MINDY2: variants seen among roughly 807,000 people sequenced by gnomAD.
The protein encoded by MINDY2 is MINDY lysine 48 deubiquitinase 2.
Under a neutral mutation model 68.2 loss-of-function variants are expected in MINDY2, and 52 were observed. That is an observed-to-expected ratio of 0.76 (90% CI 0.61 to 0.96). The LOEUF is 0.96. MINDY2 is among the 40% of genes least tolerant of loss of function. The probability of loss-of-function intolerance (pLI) is 0.00; values close to 1 mark genes in which losing one functional copy is unlikely to be tolerated. For synonymous variants in MINDY2, 372 were observed against 303.0 expected (o/e 1.23, Z -2.36); for missense variants, 881 against 773.4 (o/e 1.14, Z -1.65).
chr15:58,785,300 T>C (rs1901420387), intron 1 of MINDY2, among the ~76,000 whole-genome samples: 1 of 152,120 alleles, frequency 6.6e-6, no homozygotes, highest in Non-Finnish European at 1.5e-5. Flanking sequence ...ATTCAGGAAA[T>C]GAATATACTA....
chr15:58,801,600 T>G lies in MINDY2; in HGVS notation c.899-713T>G, dbSNP rs1386433899. 2.6e-5 allele frequency among the ~76,000 whole-genome samples: 4 copies of G among 152,174 alleles called. No individual in the cohort carries two copies. In the East Asian group the frequency reaches 7.7e-4, roughly 29 times the overall value. On this transcript the variant is annotated intron_variant, in intron 2 of 8. Coordinates refer to ENST00000559228, the MANE Select transcript of MINDY2 (RefSeq NM_001040450.3). ...CATATATTTAAAAGGTGATACCAAA[T>G]AAAAACTCGTATATAAAAATACCAT...
rs202149402 is a variant in MINDY2, at chr15:58,821,761, A to G, written c.1167A>G (p.Gln389=). The G allele has an allele frequency of 3.1e-6, 5 of 1,591,350 alleles. No individual in the cohort carries two copies. Among genetic ancestry groups the G allele is most frequent in the African/African-American group, 2.7e-5 (2 of 73,538 alleles). ...CTGTTGGTAACTGCAGCTACAACCA[A>G]CTAGTGGAGAAGATCATCTCTTGTA... is the stretch of plus-strand genomic sequence containing the variant. ...VKAVGNCSYN[Q]LVEKIISCKQ... Residue 389 remains glutamine, a synonymous_variant, in exon 5 of 9, where the codon CAA becomes CAG. Coordinates refer to ENST00000559228, the MANE Select transcript of MINDY2 (RefSeq NM_001040450.3).
At chr15:58,779,872 T>G (rs1169849940) in intron 1 of MINDY2, among the ~76,000 whole-genome samples, 1 of 152,116 alleles carries the variant, frequency 6.6e-6, no homozygotes, top group Non-Finnish European at 1.5e-5. Context: ...GAGTAGTCTT[T>G]TAGTTAAAAA....
chr15:58,825,101 T>A (rs2031308308), intron 5 of MINDY2, among the ~76,000 whole-genome samples: 1 of 152,244 alleles, frequency 6.6e-6, no homozygotes, highest in Admixed American at 6.5e-5. Context: ...CTAATCTTTA[T>A]TAAAAAATAA....
At chr15:58,800,627 T>C (rs1353002459) in intron 2 of MINDY2, among the ~76,000 whole-genome samples, 1 of 152,100 alleles carries the variant, frequency 6.6e-6, no homozygotes, top group Non-Finnish European at 1.5e-5. Flanking sequence ...CCCATTGCCA[T>C]TCCAAGTTTT....
chr15:58,785,134 G>GTAAAA (rs1595706584), intron 1 of MINDY2, among the ~76,000 whole-genome samples: 1 of 26,264 alleles, frequency 3.8e-5, no homozygotes, highest in Non-Finnish European at 7.1e-5. Flanking sequence ...GTGAAGGAAA[G>GTAAAA]CAAAAAAAAA....
At chr15:58,847,021 C>G (rs1034571008) in intron 6 of MINDY2, among the ~76,000 whole-genome samples, 1 of 152,006 alleles carries the variant, frequency 6.6e-6, no homozygotes, top group Non-Finnish European at 1.5e-5. Flanking sequence ...ATTATAAACC[C>G]CCCCAAAGGT....
At chr15:58,817,580 G>A (rs28889637) in intron 4 of MINDY2, 24,334 of 152,060 alleles carry the variant, frequency 0.16, 2,183 homozygotes, top group South Asian at 0.33. Context: ...AAAATTAGCC[G>A]GGCATGGTGG....
At chr15:58,828,711 C>T (rs1382931149) in intron 5 of MINDY2, among the ~76,000 whole-genome samples, 3 of 151,418 alleles carry the variant, frequency 2.0e-5, no homozygotes, top group Admixed American at 6.6e-5. Flanking sequence ...CAGGCGCCTG[C>T]CACCATGCCT....
In MINDY2 at chr15:58,800,439, T is replaced by G. The variant is rs569626359; in HGVS notation, c.899-1874T>G. The stretch of plus-strand genomic sequence containing the variant: ...GATCTTTTATAGTCAGCCAAACTTA[T>G]CAGCATATTATTTAGGATTTTCTAA... On this transcript the variant is annotated intron_variant, in intron 2 of 8. Transcript: ENST00000559228. 5.3e-5 allele frequency among the ~76,000 whole-genome samples: 8 copies of G among 152,312 alleles called. No homozygotes were observed. The South Asian group carries it at 1.7e-3, about 32-fold the overall frequency.
At chr15:58,836,967 C>A (rs2032025917) in intron 6 of MINDY2, among the ~76,000 whole-genome samples, 1 of 152,064 alleles carries the variant, frequency 6.6e-6, no homozygotes, top group Non-Finnish European at 1.5e-5. Context: ...CTTCACTGAC[C>A]CAGTGACAGA....
In MINDY2 at chr15:58,838,747, T is replaced by C. The variant is rs553036724; in HGVS notation, c.1368+6831T>C. ...GATTACAGGCGGGTACCACCACTCC[T>C]GGCTTATTTTTTTTAGTAGAGATTG... On this transcript the variant is annotated intron_variant, in intron 6 of 8. Coordinates refer to ENST00000559228, the MANE Select transcript of MINDY2 (RefSeq NM_001040450.3). Among the ~76,000 whole-genome samples the C allele has an allele frequency of 1.2e-3, 175 of 151,872 alleles. 2 individuals carry two copies. Among genetic ancestry groups the C allele is most frequent in the African/African-American group, 4.1e-3 (168 of 41,432 alleles).
At position 58,858,060 on chromosome 15, in the gene MINDY2, T is replaced by TAA. The variant is rs761010643; in HGVS notation, c.*3450_*3451insAA. ...TAGATTCTCAAAAGAATTCAGAACTTCAATTTAAGAATCACCATTTTAAGA... is the reference window on the plus strand; with the variant it reads ...TAGATTCTCAAAAGAATTCAGAACTTAACAATTTAAGAATCACCATTTTAAGA... On this transcript the variant is annotated 3_prime_UTR_variant, in exon 9 of 9. Transcript: ENST00000559228. 7.2e-5 allele frequency: 11 copies of TAA among 152,222 alleles called. No individual in the cohort carries two copies. Among genetic ancestry groups the TAA allele is most frequent in the Non-Finnish European group, 1.3e-4 (9 of 68,030 alleles). The allele number at this position is 152,222 out of a possible 1,614,324, so 9.4% of individuals were successfully genotyped here. A position where few individuals can be genotyped will look rare whatever the true frequency, so the allele number is the denominator to read the frequency against.
chr15:58,835,899 T>TTTTTGTTTTG (rs56935479), intron 6 of MINDY2, among the ~76,000 whole-genome samples: 2 of 151,638 alleles, frequency 1.3e-5, no homozygotes, highest in African/African-American at 4.8e-5. Context: ...AGTCTTGGGT[T>TTTTTGTTTTG]TTTTGTTTTG....
At chr15:58,784,706 A>C (rs1350931416) in intron 1 of MINDY2, among the ~76,000 whole-genome samples, 1 of 150,002 alleles carries the variant, frequency 6.7e-6, no homozygotes, top group Non-Finnish European at 1.5e-5. Context: ...TTCAGCTTCA[A>C]ATTCCTGGGT....
intron 2 of MINDY2, among the ~76,000 whole-genome samples, chr15:58,796,725 G>T (rs1462157953): frequency 4.6e-5 from 7 of 152,168 alleles, no homozygotes; most frequent in Non-Finnish European, 1.0e-4. Context: ...GTTTCCCCAT[G>T]TTGGCCGGGC....
chr15:58,804,703 A>G lies in MINDY2; in HGVS notation c.963+2326A>G, dbSNP rs113169830. ...ACGCCTATAGTCCCAGCTACTTGGG[A>G]GGCTGAGGTCAGAGGATCGCTTGAG... On this transcript the variant is annotated intron_variant, in intron 3 of 8. Coordinates refer to ENST00000559228, the MANE Select transcript of MINDY2 (RefSeq NM_001040450.3). 2.7e-3 allele frequency among the ~76,000 whole-genome samples: 405 copies of G among 152,228 alleles called. 1 individual carries two copies. The highest frequency in any genetic ancestry group is 3.8e-3 in the African/African-American group (156 of 41,538).
chr15:58,791,565 C>T (rs1227583002), intron 2 of MINDY2, among the ~76,000 whole-genome samples: 9 of 149,734 alleles, frequency 6.0e-5, no homozygotes, highest in African/African-American at 1.5e-4. Flanking sequence ...TGCAGTGAGC[C>T]AAGATCACAA....
In MINDY2 at chr15:58,771,606, G is replaced by C; in HGVS notation, c.211G>C (p.Gly71Arg). ...CCTCCCGGACTCGGCTTCTCCCGCG[G>C]GCTCTCCTGAGGTTCCCGGACCCTG... ...RSLPDSASPA[G>R]SPEVPGPCSS... is the part of the protein sequence containing the mutation. Residue 71 changes from glycine (G) to arginine (R), a missense_variant, in exon 1 of 9, where the codon GGC becomes CGC. Physicochemically the swap from Gly to Arg is moderately radical, Grantham distance 125 (BLOSUM62 -2). Transcript: ENST00000559228. 1 of 1,612,016 alleles carries C rather than the reference G, an allele frequency of 6.2e-7. No individual in the cohort carries two copies. Among genetic ancestry groups the C allele is most frequent in the Non-Finnish European group, 8.5e-7 (1 of 1,179,784 alleles).
Sources: gnomAD v4.1 joint callset for allele counts (sites outside exome capture counted in the v4.1 genomes callset) on GRCh38, gnomAD v4.1.1 for gene constraint, MANE v1.5 for transcripts, NCBI Gene and HGNC (gene_info 2026-07-23, HGNC 2026-07-21) for gene names.